The following ZC3H6 variants were observed in gnomAD, a reference collection of about 807,000 sequenced individuals.
The protein encoded by ZC3H6 is zinc finger CCCH-type containing 6.
A neutral mutation model predicts 107.7 loss-of-function variants in ZC3H6; 40 were observed. That is an observed-to-expected ratio of 0.37 (90% confidence interval 0.29 to 0.48). The LOEUF (loss-of-function observed/expected upper bound fraction) is 0.48. Ranked by LOEUF, ZC3H6 falls within the 20% of genes least tolerant of loss-of-function variation. The probability of loss-of-function intolerance (pLI) is 0.98; values close to 1 mark genes in which losing one functional copy is unlikely to be tolerated. For missense variants in ZC3H6, 1,267 were observed against 1,410.4 expected, an observed-to-expected ratio of 0.90 and a Z score of 1.63; for synonymous variants, 493 against 487.9, an observed-to-expected ratio of 1.01 and a Z score of -0.14.
intron 1 of ZC3H6, among the ~76,000 whole-genome samples, chr2:112,279,492 A>C (rs907449856): frequency 6.6e-6 from 1 of 152,224 alleles, no homozygotes; most frequent in Non-Finnish European, 1.5e-5. Flanking sequence ...AGAGTCTTTA[A>C]CTGATAGGTG....
At chr2:112,277,662 A>G (rs566645425) in intron 1 of ZC3H6, among the ~76,000 whole-genome samples, 2 of 152,324 alleles carry the variant, frequency 1.3e-5, no homozygotes, top group South Asian at 2.1e-4. Flanking sequence ...AGATTAGTCT[A>G]TTTTATTTAA....
chr2:112,309,217 G>A (rs1049456916), intron 3 of ZC3H6, among the ~76,000 whole-genome samples: 3 of 152,080 alleles, frequency 2.0e-5, no homozygotes, highest in African/African-American at 7.2e-5. Context: ...TCAGTGAATA[G>A]AGACAGACCT....
rs1686407421 is a variant in ZC3H6 at position 112,275,965 on chromosome 2, C to T, written c.-30C>T. 3.9e-6 allele frequency: 6 copies of T among 1,522,276 alleles called. No homozygotes were observed. The highest frequency in any genetic ancestry group is 4.2e-5 in the Admixed American group (2 of 47,922). 94.3% of individuals were successfully genotyped at this position (1,522,276 alleles called of 1,614,324 possible). ...GCCGCCGCCGGCCTCGCAGACCTGCCCTCCAGCCCCGCCCCGTTCTTGACC... is the reference window on the plus strand; with the variant it reads ...GCCGCCGCCGGCCTCGCAGACCTGCTCTCCAGCCCCGCCCCGTTCTTGACC... On this transcript the variant is annotated 5_prime_UTR_variant, in exon 1 of 12. Coordinates refer to ENST00000409871, the MANE Select transcript of ZC3H6 (RefSeq NM_198581.3).
chr2:112,275,601 T>C lies in ZC3H6; in HGVS notation c.-394T>C. The C allele has an allele frequency of 2.5e-6, 1 of 401,136 alleles. No individual in the cohort carries two copies. Among genetic ancestry groups the C allele is most frequent in the Non-Finnish European group, 4.4e-6 (1 of 226,802 alleles). The allele number at this position is 401,136 out of a possible 1,614,324, so 24.8% of individuals were successfully genotyped here. ...GGGCAAGGTGTTGCGGCCGGCGCCA[T>C]TTTCTCGAGCCGCCTGTTTCGGGTG... On this transcript the variant is annotated 5_prime_UTR_variant, in exon 1 of 12. Transcript: ENST00000409871.
chr2:112,316,825 G>A (rs1487603767), intron 6 of ZC3H6, among the ~76,000 whole-genome samples: 1 of 152,210 alleles, frequency 6.6e-6, no homozygotes, highest in Non-Finnish European at 1.5e-5. Context: ...TACGTGGCAA[G>A]TACTGTTCAA....
At position 112,338,903 on chromosome 2, in the gene ZC3H6, ATATATATAT is replaced by A. The variant is rs1677192595; in HGVS notation, c.*6416_*6424del. The A allele has an allele frequency of 1.3e-5, 1 of 74,408 alleles. No homozygotes were observed. The highest frequency in any genetic ancestry group is 2.6e-5 in the Non-Finnish European group (1 of 38,448). The allele number at this position is 74,408 out of a possible 1,614,324, so 4.6% of individuals were successfully genotyped here. A position where few individuals can be genotyped will look rare whatever the true frequency, so the allele number is the denominator to read the frequency against. On this transcript the variant is annotated 3_prime_UTR_variant, in exon 12 of 12. Coordinates refer to ENST00000409871, the MANE Select transcript of ZC3H6 (RefSeq NM_198581.3). The stretch of plus-strand genomic sequence containing the variant: ...TATATATATATATATATATATATAT[ATATATATAT>A]AATTTTTTTTTTTTGAGACGGAGTC...
At chr2:112,320,083 C>T (rs1279908617) in intron 7 of ZC3H6, among the ~76,000 whole-genome samples, 1 of 152,122 alleles carries the variant, frequency 6.6e-6, no homozygotes, top group Non-Finnish European at 1.5e-5. Flanking sequence ...CAGGCATGCA[C>T]CACCACGCCT....
chr2:112,312,205 T>C lies in ZC3H6; in HGVS notation c.747+268T>C, dbSNP rs181494621. On this transcript the variant is annotated intron_variant, in intron 5 of 11. Transcript: ENST00000409871. ...TAAGTTTAAAAGCAAAAATATATCCTCTATTAGTCTTCTTTTGTGCTTTTC... is the reference window on the plus strand; with the variant it reads ...TAAGTTTAAAAGCAAAAATATATCCCCTATTAGTCTTCTTTTGTGCTTTTC... 313 of 295,294 alleles carry C rather than the reference T, an allele frequency of 1.1e-3. 6 individuals carry two copies. The Admixed American group carries it at 0.015, about 14-fold the overall frequency. The allele number at this position is 295,294 out of a possible 1,614,324, so 18.3% of individuals were successfully genotyped here.
At chr2:112,283,191 C>A (rs968958525) in intron 1 of ZC3H6, among the ~76,000 whole-genome samples, 4 of 152,104 alleles carry the variant, frequency 2.6e-5, no homozygotes, top group Non-Finnish European at 4.4e-5. Flanking sequence ...TGGTATTTGA[C>A]TGCTGCTGAT....
intron 1 of ZC3H6, among the ~76,000 whole-genome samples, chr2:112,295,722 T>C (rs538077834): frequency 6.6e-6 from 1 of 152,296 alleles, no homozygotes; most frequent in South Asian, 2.1e-4. Context: ...TCTGCTATTA[T>C]ATGAATGCTG....
At position 112,304,897 on chromosome 2, in the gene ZC3H6, G is replaced by A. The variant is rs7602142; in HGVS notation, c.336+1546G>A. Among the ~76,000 whole-genome samples, 393 of 152,128 alleles carry A rather than the reference G, an allele frequency of 2.6e-3. 2 individuals are homozygous for A. The highest frequency in any genetic ancestry group is 8.9e-3 in the African/African-American group (369 of 41,508). On this transcript the variant is annotated intron_variant, in intron 3 of 11. Coordinates refer to ENST00000409871, the MANE Select transcript of ZC3H6 (RefSeq NM_198581.3). ...TTCTATAGTCTGATTCACTGTTGCC[G>A]CCTTTATAGTTGAGATTGCTAAGTG...
At chr2:112,328,938 CAAA>C (rs11317176) in intron 11 of ZC3H6, among the ~76,000 whole-genome samples, 20 of 115,222 alleles carry the variant, frequency 1.7e-4, no homozygotes, top group Admixed American at 3.5e-4. Flanking sequence ...GACTCTGTCT[CAAA>C]AAAAAAAAAA....
At chr2:112,277,382 C>T (rs1294425269) in intron 1 of ZC3H6, among the ~76,000 whole-genome samples, 1 of 151,782 alleles carries the variant, frequency 6.6e-6, no homozygotes, top group African/African-American at 2.4e-5. Flanking sequence ...GCTAATGGAG[C>T]CTAAAATCCT....
rs771206809 is a variant in ZC3H6, at chr2:112,324,652, A to G, written c.1841A>G (p.Asn614Ser). Reference protein sequence around the residue: ...QHSIHNFQPPNNSGDGMWHGE... With the variant: ...QHSIHNFQPPSNSGDGMWHGE... ...TCTATACATAATTTTCAGCCACCCA[A>G]TAACTCTGGTGGTAAGTTTACTTTT... Residue 614 changes from asparagine to serine, a missense_variant, in exon 10 of 12, where the codon AAT (asparagine) becomes AGT (serine). Asn to Ser is a conservative substitution (Grantham distance 46). Around this residue, in one of 3 missense-constraint regions of ZC3H6, gnomAD observed 925 missense variants for 1,025.7 expected, o/e 0.90. Transcript: ENST00000409871. The G allele has an allele frequency of 6.3e-6, 10 of 1,594,046 alleles. No individual in the cohort carries two copies. Among genetic ancestry groups the G allele is most frequent in the African/African-American group, 1.4e-5 (1 of 71,052 alleles).
In ZC3H6 at chr2:112,332,202, T is replaced by G; in HGVS notation, c.3284T>G (p.Leu1095Arg). The G allele has an allele frequency of 6.2e-7, 1 of 1,613,994 alleles. No individual in the cohort carries two copies. The highest frequency in any genetic ancestry group is 1.3e-5 in the African/African-American group (1 of 75,046). ...GAACCTTCTCCTGGAGAAGCCATCC[T>G]TCCACAAAAACCCAGTCCAAACGTG... ...KTEPSPGEAI[L>R]PQKPSPNVGV... Residue 1095 changes from leucine (L) to arginine (R), a missense_variant, in exon 12 of 12, where the codon CTT (leucine) becomes CGT (arginine). Around this residue, in one of 3 missense-constraint regions of ZC3H6, gnomAD observed 925 missense variants for 1,025.7 expected, o/e 0.90. Transcript: ENST00000409871.
intron 7 of ZC3H6, 150 bp downstream of exon 7, chr2:112,317,482 T>C (rs553815302): frequency 8.4e-6 from 4 of 477,530 alleles, no homozygotes; most frequent in African/African-American, 6.1e-5. Context: ...AGTCAAACTT[T>C]GTACTTCAAA....
chr2:112,287,897 CG>C (rs1408929124), intron 1 of ZC3H6, among the ~76,000 whole-genome samples: 2 of 151,938 alleles, frequency 1.3e-5, no homozygotes, highest in African/African-American at 4.9e-5. Context: ...CCACCGCCCC[CG>C]GCCGTTGGAA....
chr2:112,298,244 A>C (rs1676281733), intron 1 of ZC3H6, among the ~76,000 whole-genome samples: 1 of 152,192 alleles, frequency 6.6e-6, no homozygotes, highest in South Asian at 2.1e-4. Context: ...TACACAGATA[A>C]GTTTAAAAAA....
chr2:112,311,348 A>G (rs917368217), intron 4 of ZC3H6, among the ~76,000 whole-genome samples: 2 of 152,174 alleles, frequency 1.3e-5, no homozygotes, highest in African/African-American at 2.4e-5. Context: ...ACTTTTAAAT[A>G]CCAAGTTTTT....
Sources: allele counts gnomAD v4.1 joint callset (sites outside exome capture counted in the v4.1 genomes callset), GRCh38; gene constraint gnomAD v4.1.1; regional missense constraint gnomAD v4.1.1; transcripts MANE v1.5; gene names NCBI Gene and HGNC (gene_info 2026-07-23, HGNC 2026-07-21).